SLC6A5: variants seen among roughly 807,000 people sequenced by gnomAD.
SLC6A5 encodes the protein sodium- and chloride-dependent glycine transporter 2.
In SLC6A5, 58 loss-of-function variants were observed where a neutral mutation model predicts 90.5. That is an observed-to-expected ratio of 0.64 (90% CI 0.52 to 0.80). The LOEUF is 0.80. Ranked by LOEUF, SLC6A5 falls within the 30% of genes least tolerant of loss-of-function variation. The pLI, the probability that SLC6A5 is intolerant of heterozygous loss-of-function variation, is 0.00. For missense variants in SLC6A5, 1,015 were observed against 1,017.6 expected, an observed-to-expected ratio of 1.00 and a Z score of 0.03; for synonymous variants, 427 against 401.4, an observed-to-expected ratio of 1.06 and a Z score of -0.76.
At position 20,626,691 on chromosome 11, in the gene SLC6A5, GC is replaced by G; in HGVS notation, c.1261-14del. 6.2e-7 allele frequency: 1 copy of G among 1,613,796 alleles called. No homozygotes were observed. The highest frequency in any genetic ancestry group is 8.5e-7 in the Non-Finnish European group (1 of 1,179,802). ...CAGGGCTGCTTCTTCCAGCCCCTCT[GC>G]CCATGGCTTTTCTAGGTGGTGTACT... On this transcript the variant is annotated splice_polypyrimidine_tract_variant and intron_variant, in intron 7 of 15. Coordinates refer to ENST00000525748, the MANE Select transcript of SLC6A5 (RefSeq NM_004211.5).
In SLC6A5 at chr11:20,630,824, C is replaced by T. The variant is rs745823180; in HGVS notation, c.1624+9C>T. The T allele has an allele frequency of 1.1e-5, 18 of 1,613,892 alleles. No individual in the cohort carries two copies. The highest frequency in any genetic ancestry group is 1.4e-5 in the Non-Finnish European group (16 of 1,179,862). On this transcript the variant is annotated intron_variant, in intron 10 of 15. Coordinates refer to ENST00000525748, the MANE Select transcript of SLC6A5 (RefSeq NM_004211.5). ...GAATGTGGCAGACCAAGGTACAGGACAGTTGTTACCCTGCTGTTGCAGGGC... is the reference window on the plus strand; with the variant it reads ...GAATGTGGCAGACCAAGGTACAGGATAGTTGTTACCCTGCTGTTGCAGGGC...
intron 7 of SLC6A5, among the ~76,000 whole-genome samples, chr11:20,625,669 GC>G (rs1398867468): frequency 1.3e-5 from 2 of 151,848 alleles, no homozygotes; most frequent in Non-Finnish European, 2.9e-5. Flanking sequence ...AATGTCTCTA[GC>G]CCCCCACCCC....
rs183055583 is a variant in SLC6A5, at chr11:20,603,766, C to T, written c.541-520C>T. Among the ~76,000 whole-genome samples, 7 of 152,246 alleles carry T rather than the reference C, an allele frequency of 4.6e-5. No individual in the cohort carries two copies. In the East Asian group the frequency reaches 1.4e-3, roughly 29 times the overall value. ...TGGCTTCGGCATTGCAGCTCTCTTT[C>T]TGGTCTTGGCACACACTCTAAAGGA... On this transcript the variant is annotated intron_variant, in intron 2 of 15. Transcript: ENST00000525748.
intron 10 of SLC6A5, among the ~76,000 whole-genome samples, chr11:20,633,264 AG>A (rs1853140863): frequency 1.3e-5 from 2 of 152,214 alleles, no homozygotes; most frequent in African/African-American, 4.8e-5. Context: ...TCCCAGGTGT[AG>A]GTAACTCTCA....
chr11:20,601,178 A>AGGC lies in SLC6A5; in HGVS notation c.64_66dup (p.Ala22dup). Reference sequence around the variant, plus strand: ...AATAAACTGCCAGCCAACAGCCCGGAGGCGGCGGCGGCGCAGGGCCACCCG... The same window carrying AGGC: ...AATAAACTGCCAGCCAACAGCCCGGAGGCGGCGGCGGCGGCGCAGGGCCACCCG... On this transcript the variant is annotated inframe_insertion, in exon 2 of 16. Coordinates refer to ENST00000525748, the MANE Select transcript of SLC6A5 (RefSeq NM_004211.5). The AGGC allele has an allele frequency of 6.3e-7, 1 of 1,589,466 alleles. No homozygotes were observed. Among genetic ancestry groups the AGGC allele is most frequent in the Middle Eastern group, 1.7e-4 (1 of 6,010 alleles).
intron 10 of SLC6A5, among the ~76,000 whole-genome samples, chr11:20,634,033 G>A (rs1336700309): frequency 2.0e-5 from 3 of 152,062 alleles, no homozygotes; most frequent in South Asian, 2.1e-4. Flanking sequence ...CACTACGCCC[G>A]GCTAATTTTT....
intron 1 of SLC6A5, among the ~76,000 whole-genome samples, chr11:20,600,333 GAGGAAGAA>G (rs1852435127): frequency 4.0e-5 from 4 of 100,290 alleles, no homozygotes. Flanking sequence ...AAAAGAAGAA[GAGGAAGAA>G]GAAGAAGAAG....
At chr11:20,604,697 G>A (rs1186294725) in intron 3 of SLC6A5, among the ~76,000 whole-genome samples, 1 of 152,174 alleles carries the variant, frequency 6.6e-6, no homozygotes, top group South Asian at 2.1e-4. Context: ...TTTGGGGCCT[G>A]GGTCCTGAGC....
Position 20,604,299 on chromosome 11 carries a change from G to A in SLC6A5, c.554G>A (p.Gly185Glu), listed in dbSNP as rs1181742522. 2 of 1,612,218 alleles carry A rather than the reference G, an allele frequency of 1.2e-6. No individual in the cohort carries two copies. The highest frequency in any genetic ancestry group is 8.5e-7 in the Non-Finnish European group (1 of 1,178,664). The stretch of plus-strand genomic sequence containing the variant: ...TTCCGCCCCCAGGAGGACGAGCAAG[G>A]GGATGAGAATAAGGCCCGAGGGAAC... ...ATVATQEDEQGDENKARGNWS... is the reference protein window; with the variant it reads ...ATVATQEDEQEDENKARGNWS... The change falls in exon 3 of 16, where the codon GGG becomes GAG. Residue 185 changes from glycine to glutamate, a missense_variant. By Grantham distance (98) the Gly-to-Glu change is moderately conservative (BLOSUM62 -2). Around this residue, in one of 3 missense-constraint regions of SLC6A5, gnomAD observed 567 missense variants for 507.3 expected, o/e 1.12. Transcript: ENST00000525748.
At chr11:20,630,869 C>T in intron 10 of SLC6A5, 54 bp downstream of exon 10, 1 of 1,602,412 alleles carries the variant, frequency 6.2e-7, no homozygotes, top group Non-Finnish European at 8.5e-7. Flanking sequence ...GCTCATGTCA[C>T]AAGCTCCTAA....
chr11:20,650,730 G>C (rs1055401572), intron 14 of SLC6A5, among the ~76,000 whole-genome samples: 5 of 135,230 alleles, frequency 3.7e-5, no homozygotes, highest in Non-Finnish European at 6.1e-5. Flanking sequence ...GCAGTGGCGC[G>C]ATCTCGGCTC....
chr11:20,628,048 C>A lies in SLC6A5; in HGVS notation c.1464C>A (p.Leu488=). 1 of 1,614,142 alleles carries A rather than the reference C, an allele frequency of 6.2e-7. No individual in the cohort carries two copies. Among genetic ancestry groups the A allele is most frequent in the Non-Finnish European group, 8.5e-7 (1 of 1,179,998 alleles). ...LSAAWGGLIT[L]SSYNKFHNNC... Reference sequence around the variant, plus strand: ...CTGCATGGGGAGGCCTGATCACTCTCTCTTCTTACAACAAATTCCACAACA... The same window carrying A: ...CTGCATGGGGAGGCCTGATCACTCTATCTTCTTACAACAAATTCCACAACA... The change falls in exon 9 of 16, where the codon CTC becomes CTA. Residue 488 remains leucine (L), a synonymous_variant. Coordinates refer to ENST00000525748, the MANE Select transcript of SLC6A5 (RefSeq NM_004211.5).
chr11:20,601,611 C>A lies in SLC6A5; in HGVS notation c.486C>A (p.Ala162=), dbSNP rs1280974962. 3 of 1,613,956 alleles carry A rather than the reference C, an allele frequency of 1.9e-6. No individual in the cohort carries two copies. Among genetic ancestry groups the A allele is most frequent in the Non-Finnish European group, 2.5e-6 (3 of 1,179,954 alleles). Residue 162 remains alanine, a synonymous_variant, in exon 2 of 16, where the codon GCC becomes GCA. Transcript: ENST00000525748. ...VNMSQSTVVL[A]TDGITSVLPG... ...TGAGCCAGAGCACCGTGGTGCTGGC[C>A]ACGGATGGAATCACGTCCGTGCTCC...
intron 14 of SLC6A5, among the ~76,000 whole-genome samples, chr11:20,647,837 C>T (rs562463071): frequency 6.6e-6 from 1 of 152,224 alleles, no homozygotes; most frequent in Non-Finnish European, 1.5e-5. Flanking sequence ...AGCTGCTCTA[C>T]AACTAATATA....
chr11:20,644,269 T>C (rs1185034766), intron 13 of SLC6A5, among the ~76,000 whole-genome samples: 1 of 152,212 alleles, frequency 6.6e-6, no homozygotes, highest in Admixed American at 6.5e-5. Context: ...GTAACTACCA[T>C]TCTGCTGTCT....
chr11:20,621,773 T>A (rs1381514472), intron 7 of SLC6A5, among the ~76,000 whole-genome samples: 29 of 152,222 alleles, frequency 1.9e-4, no homozygotes, highest in Admixed American at 1.9e-3. Flanking sequence ...TAAGCTCAGT[T>A]CCTCTTGTTT....
chr11:20,630,628 T>C, intron 9 of SLC6A5, 63 bp from the exon 10 acceptor site: 1 of 1,593,862 alleles, frequency 6.3e-7, no homozygotes, highest in Non-Finnish European at 8.6e-7. Flanking sequence ...TGTGTGTCCT[T>C]CCCCTTGTCC....
intron 15 of SLC6A5, 81 bp from the exon 16 acceptor site, chr11:20,654,632 A>G: frequency 7.2e-7 from 1 of 1,389,666 alleles, no homozygotes; most frequent in South Asian, 1.2e-5. Flanking sequence ...GGTCATAAGC[A>G]GTTTGGGGAT....
At position 20,630,698 on chromosome 11, in the gene SLC6A5, C is replaced by T; in HGVS notation, c.1507C>T (p.Leu503=). The T allele has an allele frequency of 1.2e-6, 2 of 1,614,238 alleles. No homozygotes were observed. The highest frequency in any genetic ancestry group is 1.7e-6 in the Non-Finnish European group (2 of 1,180,024). The change falls in exon 10 of 16, where the codon CTA becomes TTA. Residue 503 remains leucine (L), a synonymous_variant. Coordinates refer to ENST00000525748, the MANE Select transcript of SLC6A5 (RefSeq NM_004211.5). ...KFHNNCYRDT[L]IVTCTNSATS... ...CTGGTCTCTTCCTTCCAGGGACACT[C>T]TAATTGTCACCTGCACCAACAGTGC...
Sources: gnomAD v4.1 joint callset for allele counts (sites outside exome capture counted in the v4.1 genomes callset) on GRCh38, gnomAD v4.1.1 for gene constraint, gnomAD v4.1.1 regional missense constraint, MANE v1.5 for transcripts, NCBI Gene and HGNC (gene_info 2026-07-23, HGNC 2026-07-21) for gene names.